Variants in RNGTT observed in about 807,000 individuals in gnomAD.
RNGTT encodes the protein mRNA-capping enzyme.
In RNGTT, 33 loss-of-function variants were observed where a neutral mutation model predicts 79.3. The observed-to-expected ratio is 0.42, with a 90% confidence interval of 0.32 to 0.56. The LOEUF (loss-of-function observed/expected upper bound fraction) is 0.56. Ranked by LOEUF, RNGTT falls within the 20% of genes least tolerant of loss-of-function variation. The pLI is 0.17. For synonymous variants in RNGTT, 222 were observed against 235.9 expected, an observed-to-expected ratio of 0.94 and a Z score of 0.54; for missense variants, 497 against 739.1, an observed-to-expected ratio of 0.67 and a Z score of 3.80.
chr6:88,618,962 T>C (rs1158389293), intron 14 of RNGTT, among the ~76,000 whole-genome samples: 1 of 152,210 alleles, frequency 6.6e-6, no homozygotes, highest in African/African-American at 2.4e-5. Flanking sequence ...TTGTCCCTTC[T>C]CCCCTATTTA....
At chr6:88,738,378 G>T (rs1562226385) in intron 13 of RNGTT, among the ~76,000 whole-genome samples, 1 of 152,112 alleles carries the variant, frequency 6.6e-6, no homozygotes, top group East Asian at 1.9e-4. Context: ...TCCTGGAAAA[G>T]AAAAAGGACA....
intron 11 of RNGTT, among the ~76,000 whole-genome samples, chr6:88,826,799 A>ATATAT (rs1243384941): frequency 1.3e-4 from 16 of 126,928 alleles, no homozygotes; most frequent in African/African-American, 4.0e-4. Flanking sequence ...AAAAAAAAAA[A>ATATAT]ATATATATAT....
chr6:88,799,105 T>G (rs772206873), intron 12 of RNGTT, among the ~76,000 whole-genome samples: 3 of 151,074 alleles, frequency 2.0e-5, no homozygotes, highest in Non-Finnish European at 2.9e-5. Flanking sequence ...ATTTAGAAGT[T>G]ACCATAACAA....
chr6:88,779,857 G>T (rs1055157210), intron 12 of RNGTT, among the ~76,000 whole-genome samples: 3 of 152,124 alleles, frequency 2.0e-5, no homozygotes, highest in African/African-American at 7.2e-5. Context: ...GCTAGGCATG[G>T]TGGTGCATGT....
intron 8 of RNGTT, among the ~76,000 whole-genome samples, chr6:88,863,511 C>A (rs2127915226): frequency 6.6e-6 from 1 of 152,236 alleles, no homozygotes; most frequent in East Asian, 1.9e-4. Flanking sequence ...ATCAAAAAAT[C>A]TCAAGCCTTA....
At chr6:88,646,413 A>ACCATTGTGGAAGTCAGTGT in intron 14 of RNGTT, among the ~76,000 whole-genome samples, 1 of 152,362 alleles carries the variant, frequency 6.6e-6, no homozygotes, top group South Asian at 2.1e-4. Context: ...AACTAGTTCA[A>ACCATTGTGGAAGTCAGTGT]CCATTGTGGA....
intron 13 of RNGTT, among the ~76,000 whole-genome samples, chr6:88,732,677 A>G (rs1439074755): frequency 6.6e-6 from 1 of 152,224 alleles, no homozygotes; most frequent in African/African-American, 2.4e-5. Context: ...GGCCTTAAAA[A>G]GGAAGGAAAT....
intron 11 of RNGTT, among the ~76,000 whole-genome samples, chr6:88,819,500 T>G (rs1780432779): frequency 6.6e-6 from 1 of 152,204 alleles, no homozygotes; most frequent in Non-Finnish European, 1.5e-5. Flanking sequence ...TCAATGTTAT[T>G]TCCAAGACAC....
chr6:88,656,230 G>C (rs1160994439), intron 14 of RNGTT, among the ~76,000 whole-genome samples: 1 of 152,098 alleles, frequency 6.6e-6, no homozygotes. Flanking sequence ...ATACATCCCA[G>C]TACATTTAGA....
chr6:88,884,358 C>A (rs189615214), intron 8 of RNGTT, among the ~76,000 whole-genome samples: 231 of 152,266 alleles, frequency 1.5e-3, no homozygotes, highest in Non-Finnish European at 2.2e-3. Context: ...GTTTCTAGAA[C>A]ATACTGTTAA....
intron 2 of RNGTT, among the ~76,000 whole-genome samples, chr6:88,937,961 T>A (rs1026639728): frequency 2.6e-5 from 4 of 152,244 alleles, no homozygotes; most frequent in African/African-American, 7.2e-5. Flanking sequence ...ACATATGGTC[T>A]ATCCTAGAGA....
intron 1 of RNGTT, among the ~76,000 whole-genome samples, chr6:88,959,462 T>C (rs1343963400): frequency 6.6e-6 from 1 of 152,176 alleles, no homozygotes; most frequent in Admixed American, 6.5e-5. Context: ...CCTAATAATA[T>C]CAACTATCTC....
At chr6:88,860,618 T>C (rs1176606759) in intron 8 of RNGTT, among the ~76,000 whole-genome samples, 1 of 152,142 alleles carries the variant, frequency 6.6e-6, no homozygotes, top group Admixed American at 6.6e-5. Context: ...CTATCCATTT[T>C]CCAAAAGTGG....
rs59200191 is a variant in RNGTT, at chr6:88,763,087, CTTTTTTT to C, written c.1439+6680_1439+6686del. On this transcript the variant is annotated intron_variant, in intron 13 of 15. Transcript: ENST00000369485. ...TACAGGCATGTGCCATCATGGCCAG[CTTTTTTT>C]TTTTTTTTTTTTTTTTTTTGTATTT... 6.3e-5 allele frequency among the ~76,000 whole-genome samples: 6 copies of C among 95,510 alleles called. No homozygotes were observed. The East Asian group carries it at 8.7e-4, about 14-fold the overall frequency. 62.7% of individuals were successfully genotyped at this position (95,510 alleles called of 152,430 possible).
intron 4 of RNGTT, among the ~76,000 whole-genome samples, chr6:88,926,981 T>C (rs1054925620): frequency 6.6e-6 from 1 of 152,116 alleles, no homozygotes; most frequent in African/African-American, 2.4e-5. Flanking sequence ...TCTCAATATA[T>C]CCCCAAATTT....
At chr6:88,798,040 A>ATTT (rs1779658359) in intron 12 of RNGTT, among the ~76,000 whole-genome samples, 1 of 151,398 alleles carries the variant, frequency 6.6e-6, no homozygotes, top group African/African-American at 2.4e-5. Flanking sequence ...AGACTGTTCT[A>ATTT]TTTTTCAGCA....
At chr6:88,848,684 AGTAAAAG>A (rs1257541710) in intron 10 of RNGTT, among the ~76,000 whole-genome samples, 1 of 152,092 alleles carries the variant, frequency 6.6e-6, no homozygotes, top group African/African-American at 2.4e-5. Context: ...ACACATAGGT[AGTAAAAG>A]TATCTGAAAC....
At chr6:88,808,531 A>T (rs1780033872) in intron 11 of RNGTT, among the ~76,000 whole-genome samples, 1 of 152,212 alleles carries the variant, frequency 6.6e-6, no homozygotes, top group Non-Finnish European at 1.5e-5. Context: ...GATTTAAACC[A>T]GATTGTTTTC....
At chr6:88,915,970 C>G (rs973026901) in intron 4 of RNGTT, among the ~76,000 whole-genome samples, 1 of 152,132 alleles carries the variant, frequency 6.6e-6, no homozygotes, top group Non-Finnish European at 1.5e-5. Flanking sequence ...AAGATCTGAA[C>G]TTTACAAAAC....
Sources: allele counts gnomAD v4.1 joint callset (sites outside exome capture counted in the v4.1 genomes callset), GRCh38; gene constraint gnomAD v4.1.1; transcripts MANE v1.5; gene names NCBI Gene and HGNC (gene_info 2026-07-23, HGNC 2026-07-21).